CTCF: variants seen among roughly 807,000 people sequenced by gnomAD.
CTCF encodes CCCTC-binding factor, also known as transcriptional repressor CTCF.
Under a neutral mutation model 72.3 loss-of-function variants are expected in CTCF, and 7 were observed. The observed-to-expected ratio is 0.10, with a 90% CI of 0.06 to 0.18. CTCF has a LOEUF of 0.18. Ranked by LOEUF, CTCF falls within the 10% of genes least tolerant of loss-of-function variation. The probability of loss-of-function intolerance (pLI) is 1.00; values close to 1 mark genes in which losing one functional copy is unlikely to be tolerated. For missense variants in CTCF, 516 were observed against 949.1 expected, an observed-to-expected ratio of 0.54 and a Z score of 6.00; for synonymous variants, 374 against 315.8, an observed-to-expected ratio of 1.18 and a Z score of -1.95.
chr16:67,571,429 G>A (rs552447148), intron 2 of CTCF, among the ~76,000 whole-genome samples, 165 bp downstream of exon 2: 2 of 152,268 alleles, frequency 1.3e-5, no homozygotes, highest in East Asian at 3.9e-4. Context: ...AACTCTTTAC[G>A]ATGATATACT....
intron 1 of CTCF, among the ~76,000 whole-genome samples, chr16:67,563,126 C>T (rs953994742): frequency 6.6e-6 from 1 of 152,114 alleles, no homozygotes; most frequent in Middle Eastern, 3.4e-3. Context: ...CGGGTGGCCC[C>T]AGCTGAGACA....
chr16:67,591,301 A>G (rs1042285313), intron 2 of CTCF, among the ~76,000 whole-genome samples: 2 of 152,290 alleles, frequency 1.3e-5, no homozygotes, highest in East Asian at 1.9e-4. Flanking sequence ...CAAAAAATAA[A>G]TGAAAATTAA....
intron 2 of CTCF, among the ~76,000 whole-genome samples, chr16:67,607,701 T>C (rs900350986): frequency 6.6e-6 from 1 of 151,998 alleles, no homozygotes; most frequent in African/African-American, 2.4e-5. Flanking sequence ...ATTGAGTACT[T>C]ACCATCCTGG....
At chr16:67,599,968 C>T (rs1597702783) in intron 2 of CTCF, among the ~76,000 whole-genome samples, 3 of 152,090 alleles carry the variant, frequency 2.0e-5, no homozygotes, top group South Asian at 4.1e-4. Context: ...TGGGCGGCTA[C>T]GGAGCCTTGG....
chr16:67,621,748 CTTT>C lies in CTCF; in HGVS notation c.1357+174_1357+176del, dbSNP rs34853932. On this transcript the variant is annotated intron_variant, in intron 7 of 11. Transcript: ENST00000264010. ...TTTAGTAAAAGCCATTGCTTAGCTGCTTTTTTTTTTTTTTTTTTTCTATTTCTT... is the reference window on the plus strand; with the variant it reads ...TTTAGTAAAAGCCATTGCTTAGCTGCTTTTTTTTTTTTTTTTCTATTTCTT... Among the ~76,000 whole-genome samples the C allele has an allele frequency of 9.9e-5, 12 of 121,358 alleles. No individual in the cohort carries two copies. The South Asian group carries it at 2.1e-3, about 21-fold the overall frequency. The allele number at this position is 121,358 out of a possible 152,430, so 79.6% of individuals were successfully genotyped here.
intron 2 of CTCF, among the ~76,000 whole-genome samples, chr16:67,583,503 A>G (rs1410881648): frequency 6.6e-6 from 1 of 151,594 alleles, no homozygotes; most frequent in East Asian, 2.0e-4. Context: ...CCTGGCCAAC[A>G]TGGTGAAACC....
intron 2 of CTCF, among the ~76,000 whole-genome samples, chr16:67,592,645 C>T (rs934847180): frequency 2.6e-5 from 4 of 151,904 alleles, no homozygotes; most frequent in Non-Finnish European, 5.9e-5. Flanking sequence ...GCGGAAGTCG[C>T]AGTGAGCCAA....
intron 1 of CTCF, 107 bp downstream of exon 1, chr16:67,562,831 G>C (rs1295564240): frequency 6.7e-6 from 1 of 149,852 alleles, no homozygotes; most frequent in Non-Finnish European, 1.5e-5. Flanking sequence ...CCGCCGCCGG[G>C]GGGTGTTTGT....
chr16:67,620,205 C>T (rs1030978956), intron 5 of CTCF, among the ~76,000 whole-genome samples: 13 of 150,162 alleles, frequency 8.7e-5, no homozygotes, highest in South Asian at 4.2e-4. Context: ...ACTAGTAATG[C>T]GCAGTCTTTT....
chr16:67,579,803 T>C (rs2051555901), intron 2 of CTCF, among the ~76,000 whole-genome samples: 1 of 152,210 alleles, frequency 6.6e-6, no homozygotes, highest in African/African-American at 2.4e-5. Context: ...TGCTTGTATA[T>C]TCCTAGAAGA....
intron 2 of CTCF, among the ~76,000 whole-genome samples, chr16:67,578,241 T>C (rs1440348034): frequency 6.6e-6 from 1 of 152,042 alleles, no homozygotes; most frequent in Non-Finnish European, 1.5e-5. Flanking sequence ...CTCATTTTTC[T>C]TCCTCAGAGG....
chr16:67,628,578 T>C (rs761053167), intron 9 of CTCF, 26 bp downstream of exon 9: 2 of 1,608,978 alleles, frequency 1.2e-6, no homozygotes, highest in Admixed American at 3.3e-5. Context: ...TCACTTTGCC[T>C]GTTATGATAC....
rs905255926 is a variant in CTCF, at chr16:67,620,891, G to C, written c.1207+74G>C. The C allele has an allele frequency of 3.2e-6, 4 of 1,266,000 alleles. No homozygotes were observed. The Admixed American group carries it at 9.3e-5, about 29-fold the overall frequency. 78.4% of individuals were successfully genotyped at this position (1,266,000 alleles called of 1,614,324 possible). On this transcript the variant is annotated intron_variant, in intron 6 of 11. Coordinates refer to ENST00000264010, the MANE Select transcript of CTCF (RefSeq NM_006565.4). ...ATCCCATGGGACCCTGTGGACCACT[G>C]TGTGTCCCCATTGTTTATATGAATG... is the stretch of plus-strand genomic sequence containing the variant.
intron 10 of CTCF, among the ~76,000 whole-genome samples, chr16:67,631,691 C>G (rs796865210): frequency 1.1e-5 from 1 of 90,906 alleles, no homozygotes; most frequent in African/African-American, 5.0e-5. Flanking sequence ...CCCCCCCCCC[C>G]TTTTTTTTTT....
intron 5 of CTCF, among the ~76,000 whole-genome samples, chr16:67,620,122 T>C (rs939482087): frequency 2.6e-5 from 4 of 152,230 alleles, no homozygotes; most frequent in African/African-American, 4.8e-5. Context: ...TAAACTATTA[T>C]GGAAAATTTC....
At chr16:67,586,143 A>T (rs147505593) in intron 2 of CTCF, among the ~76,000 whole-genome samples, 3 of 152,134 alleles carry the variant, frequency 2.0e-5, no homozygotes, top group African/African-American at 7.2e-5. Flanking sequence ...GCTCACGCCT[A>T]TAATTCCAGC....
chr16:67,593,819 A>C (rs1040374743), intron 2 of CTCF, among the ~76,000 whole-genome samples: 2 of 152,204 alleles, frequency 1.3e-5, no homozygotes, highest in Non-Finnish European at 2.9e-5. Flanking sequence ...ACTGCTGGAA[A>C]TCATTCTCTT....
chr16:67,569,233 C>T (rs976310858), intron 1 of CTCF, among the ~76,000 whole-genome samples: 1 of 152,062 alleles, frequency 6.6e-6, no homozygotes, highest in Admixed American at 6.6e-5. Flanking sequence ...TGTCGCCAGG[C>T]TGGAGTGCAG....
At chr16:67,616,045 C>T (rs1357448850) in intron 4 of CTCF, 2 of 152,174 alleles carry the variant, frequency 1.3e-5, no homozygotes, top group Non-Finnish European at 2.9e-5. Context: ...CTCTAAGATT[C>T]CTTCAGTGAA....
Sources: allele counts gnomAD v4.1 joint callset (sites outside exome capture counted in the v4.1 genomes callset), GRCh38; gene constraint gnomAD v4.1.1; transcripts MANE v1.5; gene names NCBI Gene and HGNC (gene_info 2026-07-23, HGNC 2026-07-21).